APBA2: variants seen among roughly 807,000 people sequenced by gnomAD.
APBA2 encodes the protein amyloid beta precursor protein binding family A member 2, also known as amyloid-beta A4 precursor protein-binding family A member 2.
APBA2 carries 30 observed loss-of-function variants against 75.0 expected under a neutral mutation model. That is an observed-to-expected ratio of 0.40 (90% confidence interval 0.30 to 0.54). The LOEUF (loss-of-function observed/expected upper bound fraction) is 0.54. Among genes scored for constraint, APBA2 ranks in the 20% least tolerant of loss-of-function variants. The pLI is 0.49. For synonymous variants in APBA2, 444 were observed against 409.6 expected, an observed-to-expected ratio of 1.08 and a Z score of -1.01; for missense variants, 801 against 1,016.1, an observed-to-expected ratio of 0.79 and a Z score of 2.88.
At position 28,918,160 on chromosome 15, in the gene APBA2, G is replaced by GT. The variant is rs2033774152; in HGVS notation, c.-204-3476dup. Among the ~76,000 whole-genome samples, 1 of 152,228 alleles carries GT rather than the reference G, an allele frequency of 6.6e-6. No homozygotes were observed. Among genetic ancestry groups the GT allele is most frequent in the African/African-American group, 2.4e-5 (1 of 41,466 alleles). On this transcript the variant is annotated intron_variant, in intron 1 of 14. Transcript: ENST00000683413. The surrounding 1 kb of genome is among the most constrained non-coding windows in gnomAD (Gnocchi z 4.2). ...TGCAGGCTGAGGTGGTCTGCTTTGA[G>GT]TTTTGCAGCGTTGCCTGCGGTCTCC... is the stretch of plus-strand genomic sequence containing the variant.
intron 14 of APBA2, among the ~76,000 whole-genome samples, chr15:29,115,301 C>T (rs550483113): frequency 6.6e-6 from 1 of 152,058 alleles, no homozygotes; most frequent in East Asian, 1.9e-4. Flanking sequence ...CGGATGAGGT[C>T]TCCAGGAGCC....
At chr15:29,037,572 A>G (rs1053659482) in intron 3 of APBA2, among the ~76,000 whole-genome samples, 11 of 152,136 alleles carry the variant, frequency 7.2e-5, no homozygotes, top group African/African-American at 2.7e-4. Flanking sequence ...GCAAGCAGAG[A>G]GAGACAGCCA....
intron 1 of APBA2, among the ~76,000 whole-genome samples, chr15:28,904,543 G>C (rs1017071118): frequency 6.6e-6 from 1 of 152,186 alleles, no homozygotes. Context: ...ATCTGGAAAG[G>C]TTTTATTACC....
intron 2 of APBA2, among the ~76,000 whole-genome samples, chr15:28,945,674 C>T (rs113002292): frequency 2.6e-5 from 4 of 151,876 alleles, no homozygotes; most frequent in Non-Finnish European, 4.4e-5. Context: ...GCCTGCCCCC[C>T]GCCTGGCTAA....
chr15:29,066,985 G>A (rs770092052), intron 4 of APBA2, among the ~76,000 whole-genome samples: 4 of 152,164 alleles, frequency 2.6e-5, no homozygotes, highest in Non-Finnish European at 5.9e-5. Context: ...GCCTCAGGAA[G>A]CCTTCAATGG....
At chr15:28,977,587 A>G (rs896620146) in intron 2 of APBA2, 1 of 152,190 alleles carries the variant, frequency 6.6e-6, no homozygotes, top group Non-Finnish European at 1.5e-5. Flanking sequence ...TAAGATGAAC[A>G]CATGAGTCAT....
At chr15:29,102,162 T>C (rs926334619) in intron 10 of APBA2, 1 of 360,840 alleles carries the variant, frequency 2.8e-6, no homozygotes, top group Non-Finnish European at 5.2e-6. Context: ...AAAGCACATC[T>C]GCACATGAGG....
At chr15:29,061,133 G>A (rs1385395325) in intron 4 of APBA2, among the ~76,000 whole-genome samples, 1 of 152,210 alleles carries the variant, frequency 6.6e-6, no homozygotes, top group Non-Finnish European at 1.5e-5. Context: ...CTGTGGGGTG[G>A]CCCTGGATGG....
At chr15:29,104,528 ATG>A (rs1341179048) in intron 10 of APBA2, among the ~76,000 whole-genome samples, 1 of 152,210 alleles carries the variant, frequency 6.6e-6, no homozygotes, top group Non-Finnish European at 1.5e-5. Flanking sequence ...AGAGTCGGTG[ATG>A]TCCACTGAAG....
intron 4 of APBA2, among the ~76,000 whole-genome samples, chr15:29,063,214 G>A (rs1235543446): frequency 8.5e-6 from 1 of 118,080 alleles, no homozygotes; most frequent in Non-Finnish European, 1.8e-5. Context: ...GAGGGGAGTT[G>A]ATCTGGGTCA....
intron 3 of APBA2, among the ~76,000 whole-genome samples, chr15:29,010,449 G>A (rs1197593906): frequency 6.6e-6 from 1 of 152,002 alleles, no homozygotes; most frequent in East Asian, 1.9e-4. Flanking sequence ...TAGTAGAGAC[G>A]GGGTTTCACC....
chr15:29,106,407 G>A (rs1595985993), intron 11 of APBA2, among the ~76,000 whole-genome samples, 200 bp from the exon 12 acceptor site: 1 of 148,492 alleles, frequency 6.7e-6, no homozygotes, highest in East Asian at 2.1e-4. Context: ...GGAAGGTGTG[G>A]GAGCCAGACT....
At chr15:29,036,415 C>T (rs1165330546) in intron 3 of APBA2, among the ~76,000 whole-genome samples, 1 of 152,078 alleles carries the variant, frequency 6.6e-6, no homozygotes. Context: ...AAGCGAGCCT[C>T]ACTAGTAGCC....
At chr15:29,091,865 C>T (rs1054202809) in intron 6 of APBA2, among the ~76,000 whole-genome samples, 12 of 152,138 alleles carry the variant, frequency 7.9e-5, no homozygotes, top group Non-Finnish European at 1.6e-4. Flanking sequence ...GATGGCTGGG[C>T]CCGTGATGCT....
At position 28,991,278 on chromosome 15, in the gene APBA2, A is replaced by G. The variant is rs764642964; in HGVS notation, c.-94-4475A>G. On this transcript the variant is annotated intron_variant, in intron 2 of 14. Coordinates refer to ENST00000683413, the MANE Select transcript of APBA2 (RefSeq NM_001353788.2). This position sits in a 1 kb window ranked among gnomAD's most constrained non-coding sequence, Gnocchi z 4.7. ...TCTCTCCTGGTCTGGGGGCGCATCCATCCCCCATGTCCCCAGTCCCATCCT... is the reference window on the plus strand; with the variant it reads ...TCTCTCCTGGTCTGGGGGCGCATCCGTCCCCCATGTCCCCAGTCCCATCCT... Among the ~76,000 whole-genome samples the G allele has an allele frequency of 1.5e-4, 23 of 152,222 alleles. No homozygotes were observed. The highest frequency in any genetic ancestry group is 2.2e-4 in the Non-Finnish European group (15 of 67,976).
intron 3 of APBA2, among the ~76,000 whole-genome samples, chr15:29,047,730 T>C (rs1235694379): frequency 6.6e-6 from 1 of 152,108 alleles, no homozygotes; most frequent in African/African-American, 2.4e-5. Flanking sequence ...GGAAGCAAAA[T>C]GGTGACTTCT....
chr15:28,960,077 G>A (rs772713663), intron 2 of APBA2, among the ~76,000 whole-genome samples: 20 of 151,278 alleles, frequency 1.3e-4, no homozygotes, highest in Non-Finnish European at 2.7e-4. Flanking sequence ...CCCAGGAGGC[G>A]GAGGTTACAG....
chr15:28,923,882 C>T (rs73366710), intron 2 of APBA2, among the ~76,000 whole-genome samples: 5,540 of 152,324 alleles, frequency 0.036, 257 homozygotes, highest in East Asian at 0.2. Flanking sequence ...ACCGCCCCCC[C>T]GGGGCTCCTC....
chr15:28,919,711 C>G (rs2033869898), intron 1 of APBA2, among the ~76,000 whole-genome samples: 1 of 152,222 alleles, frequency 6.6e-6, no homozygotes, highest in Non-Finnish European at 1.5e-5. Flanking sequence ...GGGCTGTGTA[C>G]TTTTGGCCCT....
Sources: allele counts gnomAD v4.1 joint callset (sites outside exome capture counted in the v4.1 genomes callset), GRCh38; gene constraint gnomAD v4.1.1; non-coding constraint Gnocchi (gnomAD v3.1); transcripts MANE v1.5; gene names NCBI Gene and HGNC (gene_info 2026-07-23, HGNC 2026-07-21).